Variants in GABRB1 observed in about 807,000 individuals in gnomAD.
The protein encoded by GABRB1 is gamma-aminobutyric acid type A receptor subunit beta1.
Under a neutral mutation model 51.6 loss-of-function variants are expected in GABRB1, and 17 were observed. That is an observed-to-expected ratio of 0.33 (90% CI 0.23 to 0.49). GABRB1 has a LOEUF of 0.49. Ranked by LOEUF, GABRB1 falls within the 20% of genes least tolerant of loss-of-function variation. The pLI is 0.99. For synonymous variants in GABRB1, 247 were observed against 218.9 expected, an observed-to-expected ratio of 1.13 and a Z score of -1.14; for missense variants, 410 against 600.6, an observed-to-expected ratio of 0.68 and a Z score of 3.32.
intron 5 of GABRB1, among the ~76,000 whole-genome samples, chr4:47,366,701 G>A (rs538327583): frequency 1.1e-4 from 17 of 152,118 alleles, no homozygotes; most frequent in African/African-American, 4.1e-4. Context: ...AGTAACTGAA[G>A]AATAATGTCA....
chr4:47,371,085 T>TCCCCCCCCCCCCCC (rs59604624), intron 5 of GABRB1, among the ~76,000 whole-genome samples: 23 of 129,614 alleles, frequency 1.8e-4, no homozygotes, highest in Admixed American at 3.2e-4. Flanking sequence ...ATGCTCTCCC[T>TCCCCCCCCCCCCCC]CCCCCACCCC....
chr4:47,306,613 T>G (rs1054797789), intron 4 of GABRB1, among the ~76,000 whole-genome samples: 1 of 152,194 alleles, frequency 6.6e-6, no homozygotes, highest in African/African-American at 2.4e-5. Context: ...CTAAAATTAC[T>G]GTGTATCCTT....
At position 47,335,847 on chromosome 4, in the gene GABRB1, C is replaced by T. The variant is rs575156160; in HGVS notation, c.544+15638C>T. Among the ~76,000 whole-genome samples the T allele has an allele frequency of 3.9e-5, 6 of 152,166 alleles. No homozygotes were observed. In the South Asian group the frequency reaches 1.2e-3, roughly 32 times the overall value. On this transcript the variant is annotated intron_variant, in intron 5 of 8. Transcript: ENST00000295454. ...CCACGAAGACCATGAGAAGGGCAAT[C>T]CAAGAGTAGGTCAAGGTGAGATGTA...
intron 1 of GABRB1, among the ~76,000 whole-genome samples, chr4:47,023,115 C>A (rs550410661): frequency 6.6e-6 from 1 of 151,706 alleles, no homozygotes; most frequent in Non-Finnish European, 1.5e-5. Context: ...TTGTGGGATC[C>A]GAAAATCAAA....
At chr4:47,255,364 T>C (rs1315486045) in intron 4 of GABRB1, among the ~76,000 whole-genome samples, 3 of 152,254 alleles carry the variant, frequency 2.0e-5, no homozygotes, top group Non-Finnish European at 1.5e-5. Context: ...CCTTTCTGAA[T>C]AAATACTTGT....
chr4:47,209,997 A>C (rs1218823344), intron 4 of GABRB1, among the ~76,000 whole-genome samples: 1 of 152,120 alleles, frequency 6.6e-6, no homozygotes, highest in African/African-American at 2.4e-5. Flanking sequence ...AAATAAGCAT[A>C]ATTTCCTGCC....
chr4:47,200,897 A>G (rs1010061395), intron 4 of GABRB1, among the ~76,000 whole-genome samples: 1 of 152,156 alleles, frequency 6.6e-6, no homozygotes, highest in Non-Finnish European at 1.5e-5. Context: ...TCAAGCAGCC[A>G]TAGTGGTTAA....
intron 4 of GABRB1, among the ~76,000 whole-genome samples, chr4:47,294,614 G>A (rs192061942): frequency 6.8e-4 from 103 of 152,364 alleles, no homozygotes; most frequent in African/African-American, 2.3e-3. Flanking sequence ...AGCTCGAATT[G>A]GGTGGAGCCC....
At chr4:47,049,491 C>A (rs1726249779) in intron 3 of GABRB1, among the ~76,000 whole-genome samples, 1 of 152,056 alleles carries the variant, frequency 6.6e-6, no homozygotes, top group African/African-American at 2.4e-5. Flanking sequence ...AGAGAGAAAT[C>A]AAATAGTAAT....
intron 4 of GABRB1, among the ~76,000 whole-genome samples, chr4:47,272,126 T>A (rs1216873613): frequency 6.6e-6 from 1 of 152,196 alleles, no homozygotes; most frequent in African/African-American, 2.4e-5. Context: ...TCATTCAAGC[T>A]CACTTTGGAT....
intron 3 of GABRB1, among the ~76,000 whole-genome samples, chr4:47,078,835 C>G (rs1727685013): frequency 6.6e-6 from 1 of 152,156 alleles, no homozygotes; most frequent in Admixed American, 6.6e-5. Context: ...TCCAATTCCT[C>G]TTTTCCATCC....
At chr4:47,345,499 T>G (rs897689929) in intron 5 of GABRB1, among the ~76,000 whole-genome samples, 4 of 152,120 alleles carry the variant, frequency 2.6e-5, no homozygotes, top group African/African-American at 9.7e-5. Context: ...GAGTTGAAAG[T>G]GCCTTCCAGG....
At chr4:47,319,331 C>G (rs1456212872) in intron 4 of GABRB1, among the ~76,000 whole-genome samples, 1 of 152,070 alleles carries the variant, frequency 6.6e-6, no homozygotes, top group African/African-American at 2.4e-5. Flanking sequence ...CTCTCCCTCT[C>G]TCTGGGAGTT....
intron 3 of GABRB1, among the ~76,000 whole-genome samples, chr4:47,082,931 C>T (rs776906721): frequency 3.3e-5 from 5 of 152,058 alleles, no homozygotes; most frequent in African/African-American, 4.8e-5. Context: ...ATGGGGAAAT[C>T]AGGAATTTAC....
chr4:47,284,432 C>T (rs1227955932), intron 4 of GABRB1, among the ~76,000 whole-genome samples: 1 of 152,206 alleles, frequency 6.6e-6, no homozygotes, highest in African/African-American at 2.4e-5. Context: ...TTCGTCTGCA[C>T]ACTTAGTCAT....
intron 3 of GABRB1, among the ~76,000 whole-genome samples, chr4:47,033,628 G>A (rs1202882874): frequency 6.6e-6 from 1 of 152,076 alleles, no homozygotes; most frequent in Non-Finnish European, 1.5e-5. Context: ...CATTCCTACT[G>A]TGTCGTTTTA....
intron 3 of GABRB1, among the ~76,000 whole-genome samples, chr4:47,075,581 T>C (rs1310810910): frequency 1.3e-5 from 2 of 152,192 alleles, no homozygotes; most frequent in African/African-American, 4.8e-5. Context: ...CAATAATTAA[T>C]AAAACTTTGA....
chr4:47,213,524 C>T (rs1215614263), intron 4 of GABRB1, among the ~76,000 whole-genome samples: 1 of 152,038 alleles, frequency 6.6e-6, no homozygotes, highest in African/African-American at 2.4e-5. Context: ...GTTTCCCTCT[C>T]ATTTTTTTCT....
intron 3 of GABRB1, among the ~76,000 whole-genome samples, chr4:47,114,879 CGCT>C (rs1715397709): frequency 2.0e-5 from 3 of 152,158 alleles, no homozygotes; most frequent in Non-Finnish European, 4.4e-5. Flanking sequence ...TGTGACTGCA[CGCT>C]AAGCTGGTCC....
Sources: gnomAD v4.1 joint callset for allele counts (sites outside exome capture counted in the v4.1 genomes callset) on GRCh38, gnomAD v4.1.1 for gene constraint, MANE v1.5 for transcripts, NCBI Gene and HGNC (gene_info 2026-07-23, HGNC 2026-07-21) for gene names.